HNRNPLL: variants seen among roughly 807,000 people sequenced by gnomAD.
The protein encoded by HNRNPLL is heterogeneous nuclear ribonucleoprotein L like.
HNRNPLL carries 25 observed loss-of-function variants against 67.1 expected under a neutral mutation model. The observed-to-expected ratio is 0.37, with a 90% CI of 0.27 to 0.52. The LOEUF is 0.52. HNRNPLL is among the 20% of genes least tolerant of loss of function. The probability of loss-of-function intolerance (pLI) is 0.90; values close to 1 mark genes in which losing one functional copy is unlikely to be tolerated. For missense variants in HNRNPLL, 542 were observed against 673.9 expected, an observed-to-expected ratio of 0.80 and a Z score of 2.17; for synonymous variants, 267 against 241.7, an observed-to-expected ratio of 1.10 and a Z score of -0.97.
intron 1 of HNRNPLL, among the ~76,000 whole-genome samples, chr2:38,595,104 C>T (rs1667120092): frequency 6.6e-5 from 10 of 150,886 alleles, no homozygotes; most frequent in Admixed American, 6.6e-4. Context: ...CATGGCAAAA[C>T]CCCGTCTTTA....
chr2:38,568,338 T>A lies in HNRNPLL; in HGVS notation c.1475-41A>T, dbSNP rs376244450. On this transcript the variant is annotated intron_variant, in intron 11 of 12. Transcript: ENST00000449105. ...ACAAACTCAGTTATTATTACTTGCT[T>A]ATCACCAACTTAACCAGAAAGCTTT... 304 of 1,603,160 alleles carry A rather than the reference T, an allele frequency of 1.9e-4. 1 individual carries two copies. Among genetic ancestry groups the A allele is most frequent in the Non-Finnish European group, 2.4e-4 (286 of 1,170,662 alleles).
rs542363809 is a variant in HNRNPLL at position 38,565,178 on chromosome 2, G to A, written c.1574-941C>T. ...TATCACAATTTTAGTATTAAAAGCT[G>A]TAGTTCATTAAAGAAAAAAAATTCC... On this transcript the variant is annotated intron_variant, in intron 12 of 12. Coordinates refer to ENST00000449105, the MANE Select transcript of HNRNPLL (RefSeq NM_138394.4). Among the ~76,000 whole-genome samples the A allele has an allele frequency of 8.5e-5, 13 of 152,172 alleles. 1 individual carries two copies. The highest frequency in any genetic ancestry group is 5.9e-4 in the Admixed American group (9 of 15,288).
rs78058497 is a variant in HNRNPLL at position 38,568,083 on chromosome 2, T to A, written c.1573+116A>T. Reference sequence around the variant, plus strand: ...GGAATTAATATGCCTTTCTTTTTTGTATTTATCTGTATTTTTTAAGAAGCC... The same window carrying A: ...GGAATTAATATGCCTTTCTTTTTTGAATTTATCTGTATTTTTTAAGAAGCC... On this transcript the variant is annotated intron_variant, in intron 12 of 12. Transcript: ENST00000449105. 4.4e-3 allele frequency: 2,829 copies of A among 642,116 alleles called. 66 individuals are homozygous for A. In the African/African-American group the frequency reaches 0.046, roughly 11 times the overall value. 39.8% of individuals were successfully genotyped at this position (642,116 alleles called of 1,614,324 possible). A position where few individuals can be genotyped will look rare whatever the true frequency, so the allele number is the denominator to read the frequency against.
chr2:38,576,701 C>G (rs374122097), intron 7 of HNRNPLL, among the ~76,000 whole-genome samples: 1 of 151,806 alleles, frequency 6.6e-6, no homozygotes, highest in African/African-American at 2.4e-5. Context: ...TTTCGGTGAC[C>G]AATCCCAAGA....
intron 1 of HNRNPLL, among the ~76,000 whole-genome samples, chr2:38,593,218 C>T (rs1240820986): frequency 6.6e-6 from 1 of 152,178 alleles, no homozygotes; most frequent in Non-Finnish European, 1.5e-5. Context: ...TGACTATACC[C>T]TAAGTAAATC....
At chr2:38,598,102 A>G (rs1444234695) in intron 1 of HNRNPLL, among the ~76,000 whole-genome samples, 1 of 117,404 alleles carries the variant, frequency 8.5e-6, no homozygotes, top group African/African-American at 3.2e-5. Context: ...TAAAAACATA[A>G]AAACAAAACA....
intron 8 of HNRNPLL, among the ~76,000 whole-genome samples, chr2:38,571,077 A>T (rs767589308): frequency 4.3e-4 from 66 of 152,134 alleles, no homozygotes; most frequent in South Asian, 1.4e-3. Context: ...TGTAGACAGT[A>T]CTGAAAGATA....
At chr2:38,576,103 A>G (rs1229440564) in intron 7 of HNRNPLL, among the ~76,000 whole-genome samples, 1 of 151,786 alleles carries the variant, frequency 6.6e-6, no homozygotes, top group East Asian at 1.9e-4. Flanking sequence ...TTTCGGTAAA[A>G]TATTTTATAA....
intron 3 of HNRNPLL, among the ~76,000 whole-genome samples, chr2:38,584,666 A>T (rs1046057310): frequency 6.6e-6 from 1 of 152,106 alleles, no homozygotes; most frequent in African/African-American, 2.4e-5. Context: ...TCTGGTACTC[A>T]TTTTTCAAGG....
In HNRNPLL at chr2:38,602,663, G is replaced by A; in HGVS notation, c.-37C>T. The A allele has an allele frequency of 6.9e-7, 1 of 1,459,028 alleles. No individual in the cohort carries two copies. Among genetic ancestry groups the A allele is most frequent in the Non-Finnish European group, 9.0e-7 (1 of 1,110,802 alleles). 90.4% of individuals were successfully genotyped at this position (1,459,028 alleles called of 1,614,324 possible). ...GAGGGACCGGCTGGCAGGCGGGTGGGGGTGGCGGTGGGGCGCGCGCCTCGG... is the reference window on the plus strand; with the variant it reads ...GAGGGACCGGCTGGCAGGCGGGTGGAGGTGGCGGTGGGGCGCGCGCCTCGG... On this transcript the variant is annotated 5_prime_UTR_variant, in exon 1 of 13. Transcript: ENST00000449105.
At chr2:38,594,485 T>C (rs1667095152) in intron 1 of HNRNPLL, among the ~76,000 whole-genome samples, 1 of 152,058 alleles carries the variant, frequency 6.6e-6, no homozygotes, top group South Asian at 2.1e-4. Flanking sequence ...AAAGTATGTA[T>C]ATAAATATAG....
intron 6 of HNRNPLL, among the ~76,000 whole-genome samples, chr2:38,580,600 C>A (rs746899348): frequency 5.3e-5 from 8 of 152,152 alleles, no homozygotes; most frequent in Non-Finnish European, 8.8e-5. Flanking sequence ...CTTTTCCACC[C>A]TGTAGTTCAA....
intron 1 of HNRNPLL, among the ~76,000 whole-genome samples, chr2:38,596,345 G>A (rs1378540503): frequency 7.8e-6 from 1 of 127,914 alleles, no homozygotes; most frequent in Admixed American, 8.1e-5. Flanking sequence ...CTGCAAACCT[G>A]TCTCCTGGGT....
intron 4 of HNRNPLL, 141 bp from the exon 5 acceptor site, chr2:38,582,309 G>T (rs1666560199): frequency 5.7e-6 from 4 of 699,936 alleles, no homozygotes; most frequent in East Asian, 2.7e-5. Flanking sequence ...AATTTTAAGA[G>T]AATTTTTTGT....
chr2:38,574,304 A>C (rs1055605568), intron 7 of HNRNPLL, among the ~76,000 whole-genome samples: 2 of 151,814 alleles, frequency 1.3e-5, no homozygotes, highest in Non-Finnish European at 3.0e-5. Flanking sequence ...CAGCAATAAG[A>C]AGAAAGGCAG....
chr2:38,581,578 G>T, intron 6 of HNRNPLL: 1 of 382,016 alleles, frequency 2.6e-6, no homozygotes, highest in Non-Finnish European at 4.7e-6. Context: ...TAGAGAAGCA[G>T]TGTGCAAGTT....
chr2:38,579,935 A>C (rs1159013696), intron 6 of HNRNPLL, among the ~76,000 whole-genome samples: 1 of 152,190 alleles, frequency 6.6e-6, no homozygotes, highest in Non-Finnish European at 1.5e-5. Context: ...GCATAAACTA[A>C]AAACGTTTTA....
intron 6 of HNRNPLL, among the ~76,000 whole-genome samples, chr2:38,579,687 T>C (rs1386893120): frequency 1.3e-5 from 2 of 151,898 alleles, no homozygotes; most frequent in Non-Finnish European, 2.9e-5. Context: ...AAAATGTAAT[T>C]CAAGCTGAAA....
intron 1 of HNRNPLL, among the ~76,000 whole-genome samples, chr2:38,600,495 C>G (rs1667384388): frequency 6.6e-6 from 1 of 152,012 alleles, no homozygotes; most frequent in South Asian, 2.1e-4. Context: ...GGGAGGCCAA[C>G]TCAGGTGGAT....
Sources: allele counts gnomAD v4.1 joint callset (sites outside exome capture counted in the v4.1 genomes callset), GRCh38; gene constraint gnomAD v4.1.1; transcripts MANE v1.5; gene names NCBI Gene and HGNC (gene_info 2026-07-23, HGNC 2026-07-21).